The following FAM210A variants were observed in gnomAD, a reference collection of about 807,000 sequenced individuals.
The protein encoded by FAM210A is mitochondrial inner membrane scaffold 1, also known as family with sequence similarity 210 member A.
Under a neutral mutation model 25.3 loss-of-function variants are expected in FAM210A, and 13 were observed. The observed-to-expected ratio is 0.51, with a 90% CI of 0.33 to 0.82. The LOEUF is 0.82. Ranked by LOEUF, FAM210A falls within the 40% of genes least tolerant of loss-of-function variation. The pLI, the probability that FAM210A is intolerant of heterozygous loss-of-function variation, is 0.02. For missense variants in FAM210A, 319 were observed against 323.2 expected, an observed-to-expected ratio of 0.99 and a Z score of 0.10; for synonymous variants, 125 against 118.7, an observed-to-expected ratio of 1.05 and a Z score of -0.35.
intron 1 of FAM210A, among the ~76,000 whole-genome samples, chr18:13,703,494 A>G (rs564785693): frequency 6.6e-6 from 1 of 152,324 alleles, no homozygotes; most frequent in South Asian, 2.1e-4. Flanking sequence ...ACCCATAAAA[A>G]TGGGACCCTT....
At chr18:13,706,974 T>C (rs1290087059) in intron 1 of FAM210A, among the ~76,000 whole-genome samples, 1 of 152,228 alleles carries the variant, frequency 6.6e-6, no homozygotes, top group Non-Finnish European at 1.5e-5. Context: ...CTCCAAACTC[T>C]TGGTACTATC....
intron 1 of FAM210A, among the ~76,000 whole-genome samples, chr18:13,709,027 T>C (rs1292694677): frequency 6.6e-6 from 1 of 152,218 alleles, no homozygotes; most frequent in Non-Finnish European, 1.5e-5. Context: ...GCATACATGA[T>C]AGTACATCAT....
At chr18:13,683,896 TG>T (rs1193869560) in intron 1 of FAM210A, among the ~76,000 whole-genome samples, 1 of 152,216 alleles carries the variant, frequency 6.6e-6, no homozygotes, top group African/African-American at 2.4e-5. Context: ...CAAAGTTGAC[TG>T]GCAAAACAAA....
intron 1 of FAM210A, among the ~76,000 whole-genome samples, chr18:13,706,943 G>A (rs554619437): frequency 6.6e-6 from 1 of 152,236 alleles, no homozygotes; most frequent in East Asian, 1.9e-4. Context: ...TGATTTACTG[G>A]GACCCTGGGT....
In FAM210A at chr18:13,664,434, A is replaced by G. The variant is rs2043383769; in HGVS notation, c.*2046T>C. 1 of 152,250 alleles carries G rather than the reference A, an allele frequency of 6.6e-6. No individual in the cohort carries two copies. The allele number at this position is 152,250 out of a possible 1,614,324, so 9.4% of individuals were successfully genotyped here. ...GATTTTCACATAGTCTCCAGTGGTT[A>G]AAAAGAAAAAAGAAACAAGGAACAT... is the stretch of plus-strand genomic sequence containing the variant. On this transcript the variant is annotated 3_prime_UTR_variant, in exon 4 of 4. Coordinates refer to ENST00000651643, the MANE Select transcript of FAM210A (RefSeq NM_152352.4).
At chr18:13,713,276 A>G (rs2043835613) in intron 1 of FAM210A, among the ~76,000 whole-genome samples, 1 of 152,246 alleles carries the variant, frequency 6.6e-6, no homozygotes, top group Non-Finnish European at 1.5e-5. Context: ...CAAATTCAAC[A>G]TAACTTAACA....
intron 1 of FAM210A, among the ~76,000 whole-genome samples, chr18:13,690,377 T>A (rs1460911237): frequency 6.6e-6 from 1 of 152,166 alleles, no homozygotes; most frequent in African/African-American, 2.4e-5. Flanking sequence ...GACTGAAACA[T>A]CCCCATCTGA....
intron 3 of FAM210A, among the ~76,000 whole-genome samples, chr18:13,669,001 T>C (rs552223055): frequency 1.3e-5 from 2 of 152,262 alleles, no homozygotes; most frequent in African/African-American, 4.8e-5. Context: ...TCTCAGAAAA[T>C]GGCAATTCTA....
At chr18:13,697,457 C>T (rs2043703952) in intron 1 of FAM210A, 1 of 172,640 alleles carries the variant, frequency 5.8e-6, no homozygotes. Context: ...GCAACAGGAA[C>T]TCTCACTTAT....
chr18:13,714,096 G>T (rs2043842610), intron 1 of FAM210A, among the ~76,000 whole-genome samples: 1 of 152,162 alleles, frequency 6.6e-6, no homozygotes, highest in Non-Finnish European at 1.5e-5. Context: ...CTACCAAAGG[G>T]TGGACATTAC....
chr18:13,672,044 A>C (rs926041794), intron 2 of FAM210A, 71 bp from the exon 3 acceptor site: 2 of 1,042,866 alleles, frequency 1.9e-6, no homozygotes, highest in Non-Finnish European at 2.8e-6. Flanking sequence ...ATCTGAAAAT[A>C]CCAAAACCAC....
At chr18:13,724,906 T>C (rs1020736576) in intron 1 of FAM210A, among the ~76,000 whole-genome samples, 2 of 152,132 alleles carry the variant, frequency 1.3e-5, no homozygotes, top group South Asian at 4.1e-4. Context: ...CCTGAGTAGC[T>C]GGGATTACAG....
chr18:13,668,746 T>C (rs2043420319), intron 3 of FAM210A, among the ~76,000 whole-genome samples: 1 of 152,232 alleles, frequency 6.6e-6, no homozygotes, highest in Non-Finnish European at 1.5e-5. Context: ...AGCACACTAC[T>C]GTGCCGAACA....
intron 1 of FAM210A, among the ~76,000 whole-genome samples, chr18:13,721,908 T>C (rs11875557): frequency 5.2e-4 from 79 of 152,262 alleles, no homozygotes; most frequent in African/African-American, 1.7e-3. Context: ...TGATAAGCCA[T>C]AGGTCCCTTT....
At chr18:13,681,316 C>T (rs569609248) in intron 2 of FAM210A, among the ~76,000 whole-genome samples, 1 of 152,292 alleles carries the variant, frequency 6.6e-6, no homozygotes, top group South Asian at 2.1e-4. Flanking sequence ...ATTTTTACTT[C>T]TCCTTGCCTA....
Position 13,713,258 on chromosome 18 carries a change from T to C in FAM210A, c.-29+13071A>G, listed in dbSNP as rs144282948. ...TAAGTCTAGAATGTATGTTTGTATG[T>C]TGATACACAAATTCAACATAACTTA... On this transcript the variant is annotated intron_variant, in intron 1 of 3. Transcript: ENST00000651643. Among the ~76,000 whole-genome samples, 22 of 152,364 alleles carry C rather than the reference T, an allele frequency of 1.4e-4. No individual in the cohort carries two copies. In the East Asian group the frequency reaches 4.2e-3, roughly 29 times the overall value.
Position 13,716,299 on chromosome 18 carries a change from G to A in FAM210A, c.-29+10030C>T, listed in dbSNP as rs959331574. ...TCCTCTCCCCTCTTCCCTCTTCAGA[G>A]GCCCTGTTCTGCTCAGGTAGCTGTC... On this transcript the variant is annotated intron_variant, in intron 1 of 3. Transcript: ENST00000651643. Among the ~76,000 whole-genome samples the A allele has an allele frequency of 9.9e-5, 15 of 152,180 alleles. No homozygotes were observed. In the East Asian group the frequency reaches 2.9e-3, roughly 29 times the overall value.
intron 1 of FAM210A, among the ~76,000 whole-genome samples, chr18:13,710,677 C>T (rs1049308110): frequency 1.3e-5 from 2 of 152,114 alleles, no homozygotes; most frequent in African/African-American, 4.8e-5. Context: ...CATGACTCAA[C>T]CAGTCCTACT....
At chr18:13,699,210 G>A (rs2043719245) in intron 1 of FAM210A, among the ~76,000 whole-genome samples, 1 of 152,100 alleles carries the variant, frequency 6.6e-6, no homozygotes, top group Non-Finnish European at 1.5e-5. Context: ...TACTTTCTGG[G>A]TTCTTACTTT....
Sources: gnomAD v4.1 joint callset for allele counts (sites outside exome capture counted in the v4.1 genomes callset) on GRCh38, gnomAD v4.1.1 for gene constraint, MANE v1.5 for transcripts, NCBI Gene and HGNC (gene_info 2026-07-23, HGNC 2026-07-21) for gene names.